Variants in ATG4B observed in about 807,000 individuals in gnomAD.
ATG4B encodes the protein cysteine protease ATG4B.
Under a neutral mutation model 56.6 loss-of-function variants are expected in ATG4B, and 29 were observed. That is an observed-to-expected ratio of 0.51 (90% confidence interval 0.38 to 0.70). The LOEUF is 0.70. Ranked by LOEUF, ATG4B falls within the 30% of genes least tolerant of loss-of-function variation. The pLI is 0.00. For synonymous variants in ATG4B, 224 were observed against 206.1 expected (o/e 1.09, Z -0.74); for missense variants, 461 against 515.5 (o/e 0.89, Z 1.02).
chr2:241,651,770 C>A lies in ATG4B; in HGVS notation c.184+435C>A. On this transcript the variant is annotated intron_variant, in intron 3 of 12. Coordinates refer to ENST00000404914, the MANE Select transcript of ATG4B (RefSeq NM_013325.5). This position sits in a 1 kb window ranked among gnomAD's most constrained non-coding sequence, Gnocchi z 4.1. Reference sequence around the variant, plus strand: ...AGGTCCAGAATGTTTGGAAGCCATTCTCTGTAGCCCTCATCTTTTTTAGTA... The same window carrying A: ...AGGTCCAGAATGTTTGGAAGCCATTATCTGTAGCCCTCATCTTTTTTAGTA... 1 of 629,996 alleles carries A rather than the reference C, an allele frequency of 1.6e-6. No individual in the cohort carries two copies. The highest frequency in any genetic ancestry group is 2.5e-6 in the Non-Finnish European group (1 of 401,610). The allele number at this position is 629,996 out of a possible 1,614,324, so 39.0% of individuals were successfully genotyped here. A position where few individuals can be genotyped will look rare whatever the true frequency, so the allele number is the denominator to read the frequency against.
At chr2:241,637,858 C>T in intron 1 of ATG4B, 134 bp downstream of exon 1, 9 of 770,988 alleles carry the variant, frequency 1.2e-5, no homozygotes, top group Non-Finnish European at 1.5e-5. Context: ...GGGCGGCGGG[C>T]GCTGCGGGAG....
At chr2:241,645,513 C>A (rs185512929) in intron 1 of ATG4B, among the ~76,000 whole-genome samples, 1 of 152,116 alleles carries the variant, frequency 6.6e-6, no homozygotes, top group Non-Finnish European at 1.5e-5. Context: ...GAAGGCTGGC[C>A]CTGAAAGAGT....
intron 6 of ATG4B, among the ~76,000 whole-genome samples, chr2:241,657,460 A>G (rs1357123519): frequency 6.6e-6 from 1 of 150,442 alleles, no homozygotes; most frequent in Admixed American, 6.7e-5. Flanking sequence ...ACATGCCACC[A>G]TGCCCAACTA....
Position 241,668,499 on chromosome 2 carries a change from C to T in ATG4B, c.812-41C>T, listed in dbSNP as rs560857800. ...GGCCTCCTCTGTCCCTTTCCTCTGCCGGCTCGGCCACCCACCTGCCCACCT... is the reference window on the plus strand; with the variant it reads ...GGCCTCCTCTGTCCCTTTCCTCTGCTGGCTCGGCCACCCACCTGCCCACCT... On this transcript the variant is annotated intron_variant, in intron 9 of 12. Transcript: ENST00000404914. This position sits in a 1 kb window ranked among gnomAD's most constrained non-coding sequence, Gnocchi z 4.2. 1.9e-5 allele frequency: 31 copies of T among 1,590,308 alleles called. No homozygotes were observed. Among genetic ancestry groups the T allele is most frequent in the Middle Eastern group, 1.7e-4 (1 of 6,028 alleles).
At chr2:241,641,943 A>G (rs1559246281) in intron 1 of ATG4B, among the ~76,000 whole-genome samples, 1 of 152,158 alleles carries the variant, frequency 6.6e-6, no homozygotes, top group Non-Finnish European at 1.5e-5. Flanking sequence ...CAGCACTTAA[A>G]TAGCCACACT....
intron 1 of ATG4B, chr2:241,638,344 G>A (rs1049948891): frequency 2.0e-5 from 3 of 151,998 alleles, no homozygotes; most frequent in Non-Finnish European, 2.9e-5. Flanking sequence ...GTTTCTTGGG[G>A]TCCTAAGAGA....
chr2:241,665,874 T>TCTGTCACCTGTCAGTCA (rs1200739491), intron 7 of ATG4B, among the ~76,000 whole-genome samples: 2 of 152,168 alleles, frequency 1.3e-5, no homozygotes, highest in Admixed American at 6.5e-5. Context: ...CTGTCACCTG[T>TCTGTCACCTGTCAGTCA]CTGTCACCTG....
intron 1 of ATG4B, among the ~76,000 whole-genome samples, chr2:241,643,085 A>G (rs189966180): frequency 6.3e-4 from 95 of 151,512 alleles, no homozygotes; most frequent in Middle Eastern, 6.9e-3. Context: ...GGGTTTCACC[A>G]TGTTGGCCAG....
rs140059812 is a variant in ATG4B, at chr2:241,666,718, C to G, written c.612C>G (p.Asn204Lys). The change falls in exon 8 of 13, where the codon AAC becomes AAG. Residue 204 changes from asparagine to lysine, a missense_variant. By Grantham distance (94) the Asn-to-Lys change is moderately conservative. Transcript: ENST00000404914. ...AFPADSDRHC[N>K]GFPAGAEVTN... ...CTGCAGATTCCGACCGGCACTGCAA[C>G]GGATTCCCTGCCGGAGCTGAGGTCA... The G allele has an allele frequency of 6.2e-7, 1 of 1,612,584 alleles. No homozygotes were observed. Among genetic ancestry groups the G allele is most frequent in the Non-Finnish European group, 8.5e-7 (1 of 1,179,370 alleles).
At chr2:241,660,155 A>C (rs896663365) in intron 7 of ATG4B, among the ~76,000 whole-genome samples, 2 of 152,062 alleles carry the variant, frequency 1.3e-5, no homozygotes, top group Non-Finnish European at 2.9e-5. Context: ...ACGCCACTGC[A>C]CTCCAGCCTG....
chr2:241,637,914 G>A (rs954628920), intron 1 of ATG4B, among the ~76,000 whole-genome samples, 190 bp downstream of exon 1: 1 of 151,484 alleles, frequency 6.6e-6, no homozygotes, highest in Admixed American at 6.6e-5. Flanking sequence ...GCGGGAGGGG[G>A]ACGGCGGCGC....
intron 5 of ATG4B, 113 bp downstream of exon 5, chr2:241,654,760 A>T (rs2068342696): frequency 1.0e-5 from 8 of 797,516 alleles, no homozygotes; most frequent in Non-Finnish European, 1.2e-5. Context: ...AGGAGGCTGT[A>T]AACCTGTAAA....
At position 241,673,516 on chromosome 2, in the gene ATG4B, C is replaced by T. The variant is rs544136806; in HGVS notation, c.*1252C>T. 80 of 444,448 alleles carry T rather than the reference C, an allele frequency of 1.8e-4. No individual in the cohort carries two copies. The highest frequency in any genetic ancestry group is 1.2e-3 in the African/African-American group (61 of 49,936). The allele number at this position is 444,448 out of a possible 1,614,324, so 27.5% of individuals were successfully genotyped here. A position where few individuals can be genotyped will look rare whatever the true frequency, so the allele number is the denominator to read the frequency against. ...GCCAGAGATCCCCGAGGACGCGCGCCGGACAGTCGGCACTGACCGGCCCAC... is the reference window on the plus strand; with the variant it reads ...GCCAGAGATCCCCGAGGACGCGCGCTGGACAGTCGGCACTGACCGGCCCAC... On this transcript the variant is annotated 3_prime_UTR_variant, in exon 13 of 13. Coordinates refer to ENST00000404914, the MANE Select transcript of ATG4B (RefSeq NM_013325.5).
chr2:241,643,686 A>ATG (rs1421119821), intron 1 of ATG4B, among the ~76,000 whole-genome samples: 6 of 83,678 alleles, frequency 7.2e-5, no homozygotes, highest in African/African-American at 4.4e-4. Context: ...GTGTGTATGT[A>ATG]TATATTTTCC....
chr2:241,654,475 C>G (rs1473349110), intron 4 of ATG4B, 71 bp from the exon 5 acceptor site: 57 of 750,680 alleles, frequency 7.6e-5, no homozygotes, highest in Non-Finnish European at 1.3e-4. Flanking sequence ...CCATCTGTAT[C>G]TTTAGTGTGA....
Position 241,645,854 on chromosome 2 carries a change from G to A in ATG4B, c.11-5156G>A, listed in dbSNP as rs1034587231. On this transcript the variant is annotated intron_variant, in intron 1 of 12. Coordinates refer to ENST00000404914, the MANE Select transcript of ATG4B (RefSeq NM_013325.5). ...GCTCCCAACAGAGGGCAGGATTCTC[G>A]GGGAGGGCCGGAGTGCGTTTCTCTG... Among the ~76,000 whole-genome samples, 4 of 152,164 alleles carry A rather than the reference G, an allele frequency of 2.6e-5. 1 individual carries two copies. The highest frequency in any genetic ancestry group is 4.4e-5 in the Non-Finnish European group (3 of 68,030).
chr2:241,653,509 CAG>C lies in ATG4B; in HGVS notation c.185-2_185-1del, dbSNP rs773085600. 7.6e-6 allele frequency: 12 copies of C among 1,575,164 alleles called. No individual in the cohort carries two copies. Among genetic ancestry groups the C allele is most frequent in the South Asian group, 3.5e-5 (3 of 85,606 alleles). On this transcript the variant is annotated splice_acceptor_variant, in intron 3 of 12. Coordinates refer to ENST00000404914, the MANE Select transcript of ATG4B (RefSeq NM_013325.5). LOFTEE classifies it high-confidence loss of function. ...GCACTTCTCTCTCTGTCTGCCACGACAGGGGGGACAGGCCCCACCTCGGACAC... is the reference window on the plus strand; with the variant it reads ...GCACTTCTCTCTCTGTCTGCCACGACGGGGGACAGGCCCCACCTCGGACAC...
intron 1 of ATG4B, among the ~76,000 whole-genome samples, chr2:241,648,998 A>T (rs1481046722): frequency 6.6e-6 from 1 of 152,180 alleles, no homozygotes; most frequent in East Asian, 1.9e-4. Context: ...CCAGCACCTC[A>T]TTGGAAGTGT....
Position 241,643,364 on chromosome 2 carries a change from ATT to A in ATG4B, c.10+5661_10+5662del, listed in dbSNP as rs71049595. 3.5e-3 allele frequency among the ~76,000 whole-genome samples: 384 copies of A among 109,760 alleles called. 1 individual carries two copies. Among genetic ancestry groups the A allele is most frequent in the African/African-American group, 0.012 (328 of 28,188 alleles). 72.0% of individuals were successfully genotyped at this position (109,760 alleles called of 152,430 possible). A position where few individuals can be genotyped will look rare whatever the true frequency, so the allele number is the denominator to read the frequency against. On this transcript the variant is annotated intron_variant, in intron 1 of 12. Coordinates refer to ENST00000404914, the MANE Select transcript of ATG4B (RefSeq NM_013325.5). Reference sequence around the variant, plus strand: ...AGACTACAGATGTCCACGCCTAGCTATTTTTTTTTTTTTTTTTTTTTTAAGAG... The same window carrying A: ...AGACTACAGATGTCCACGCCTAGCTATTTTTTTTTTTTTTTTTTTTAAGAG...
Sources: gnomAD v4.1 joint callset for allele counts (sites outside exome capture counted in the v4.1 genomes callset) on GRCh38, gnomAD v4.1.1 for gene constraint, Gnocchi (gnomAD v3.1) non-coding constraint, MANE v1.5 for transcripts, NCBI Gene and HGNC (gene_info 2026-07-23, HGNC 2026-07-21) for gene names.